The following KIF13B variants were observed in gnomAD, a reference collection of about 807,000 sequenced individuals.
The protein encoded by KIF13B is kinesin-like protein KIF13B.
KIF13B carries 127 observed loss-of-function variants against 222.0 expected under a neutral mutation model. That is an observed-to-expected ratio of 0.57 (90% CI 0.50 to 0.66). The LOEUF (loss-of-function observed/expected upper bound fraction) is 0.66, where lower values mean the gene tolerates loss of function less well. Among genes scored for constraint, KIF13B ranks in the 30% least tolerant of loss-of-function variants. KIF13B has a pLI of 0.00. For missense variants in KIF13B, 2,173 were observed against 2,379.0 expected (o/e 0.91, Z 1.80); for synonymous variants, 976 against 919.0 (o/e 1.06, Z -1.12).
At chr8:29,182,874 A>T (rs1812769703) in intron 6 of KIF13B, among the ~76,000 whole-genome samples, 1 of 152,102 alleles carries the variant, frequency 6.6e-6, no homozygotes, top group African/African-American at 2.4e-5. Flanking sequence ...ACAGACTTTA[A>T]ATGTCTGCAC....
In KIF13B at chr8:29,075,353, C is replaced by T. The variant is rs1429858382; in HGVS notation, c.4459-10G>A. On this transcript the variant is annotated splice_polypyrimidine_tract_variant and intron_variant, in intron 37 of 39. Coordinates refer to ENST00000524189, the MANE Select transcript of KIF13B (RefSeq NM_015254.4). ...TGATGCGGGGCACGGGCTGAGGAGG[C>T]AAGTGTGCAGGTCAGGGGTCGAGAG... 6.4e-6 allele frequency: 10 copies of T among 1,555,550 alleles called. No homozygotes were observed. Among genetic ancestry groups the T allele is most frequent in the Non-Finnish European group, 8.7e-6 (10 of 1,149,208 alleles).
chr8:29,119,662 G>A (rs943365127), intron 29 of KIF13B, among the ~76,000 whole-genome samples: 2 of 152,060 alleles, frequency 1.3e-5, no homozygotes, highest in African/African-American at 4.8e-5. Context: ...CCAAATACAA[G>A]CACCTCACCT....
chr8:29,244,753 G>T (rs1815945801), intron 2 of KIF13B, among the ~76,000 whole-genome samples: 2 of 151,884 alleles, frequency 1.3e-5, no homozygotes, highest in East Asian at 3.9e-4. Flanking sequence ...CTTTCCTTTT[G>T]TTCATACTAC....
chr8:29,088,716 C>T (rs1427189690), intron 37 of KIF13B, among the ~76,000 whole-genome samples: 1 of 152,138 alleles, frequency 6.6e-6, no homozygotes, highest in Non-Finnish European at 1.5e-5. Context: ...TTTGCAATTC[C>T]ACAGGCACTA....
chr8:29,206,948 T>C (rs7462210), intron 2 of KIF13B, among the ~76,000 whole-genome samples: 152,182 of 152,224 alleles, frequency 1, 76,070 homozygotes, highest in Middle Eastern at 1. Context: ...GAGTGGGCCA[T>C]GTGGCTGATG....
At chr8:29,176,259 A>G in intron 9 of KIF13B, 80 bp from the exon 10 acceptor site, 1 of 842,814 alleles carries the variant, frequency 1.2e-6, no homozygotes, top group African/African-American at 1.7e-5. Flanking sequence ...ATTGAACACT[A>G]AGATGCCCTT....
At chr8:29,086,676 A>T (rs1349750286) in intron 37 of KIF13B, among the ~76,000 whole-genome samples, 2 of 152,188 alleles carry the variant, frequency 1.3e-5, no homozygotes, top group African/African-American at 4.8e-5. Context: ...GTGCTGTTTC[A>T]CATTATAACC....
chr8:29,238,018 G>A (rs924038598), intron 2 of KIF13B, among the ~76,000 whole-genome samples: 1 of 152,158 alleles, frequency 6.6e-6, no homozygotes, highest in African/African-American at 2.4e-5. Context: ...ACCACGTACT[G>A]TTCTCCAGAG....
At chr8:29,250,008 G>A (rs926773766) in intron 1 of KIF13B, 2 of 1,287,458 alleles carry the variant, frequency 1.6e-6, no homozygotes, top group African/African-American at 3.0e-5. Context: ...CAGGCCCAGA[G>A]GTCCATGAGA....
At chr8:29,176,201 A>G in intron 9 of KIF13B, 22 bp from the exon 10 acceptor site, 1 of 1,365,704 alleles carries the variant, frequency 7.3e-7, no homozygotes, top group Non-Finnish European at 1.0e-6. Flanking sequence ...AACAAACCAA[A>G]ATAATTACAA....
intron 16 of KIF13B, among the ~76,000 whole-genome samples, chr8:29,148,060 T>C (rs1304210079): frequency 6.6e-6 from 1 of 152,182 alleles, no homozygotes; most frequent in Non-Finnish European, 1.5e-5. Context: ...GAGCCAGGCA[T>C]GGTGGTGTGC....
intron 2 of KIF13B, among the ~76,000 whole-genome samples, chr8:29,215,754 G>C (rs1331957786): frequency 6.6e-6 from 1 of 152,162 alleles, no homozygotes; most frequent in African/African-American, 2.4e-5. Context: ...TTTGAAGAAA[G>C]CAACGGGAAT....
chr8:29,076,277 T>C (rs1053666925), intron 37 of KIF13B, among the ~76,000 whole-genome samples: 2 of 152,182 alleles, frequency 1.3e-5, no homozygotes, highest in African/African-American at 4.8e-5. Context: ...TGGCCTCCCA[T>C]GCTGGGCTCT....
intron 30 of KIF13B, 32 bp downstream of exon 30, chr8:29,118,836 C>A (rs772772677): frequency 1.2e-6 from 2 of 1,611,298 alleles, no homozygotes; most frequent in East Asian, 4.5e-5. Flanking sequence ...AACCACTTTT[C>A]ATCTGACCAT....
intron 2 of KIF13B, among the ~76,000 whole-genome samples, chr8:29,216,638 T>C (rs774695188): frequency 7.2e-5 from 11 of 152,164 alleles, no homozygotes; most frequent in African/African-American, 1.2e-4. Context: ...TACAACTATG[T>C]TCTTTCTACT....
At chr8:29,139,081 C>G (rs376782643) in intron 21 of KIF13B, among the ~76,000 whole-genome samples, 4 of 152,088 alleles carry the variant, frequency 2.6e-5, no homozygotes, top group South Asian at 4.2e-4. Context: ...ATGAATGAAA[C>G]GAGGTTGACC....
intron 37 of KIF13B, among the ~76,000 whole-genome samples, chr8:29,087,097 T>G (rs1808079543): frequency 6.6e-6 from 1 of 152,238 alleles, no homozygotes; most frequent in African/African-American, 2.4e-5. Flanking sequence ...ACTTGATTGG[T>G]GACACAGAGG....
At chr8:29,148,472 C>T in intron 16 of KIF13B, 105 bp downstream of exon 16, 2 of 669,640 alleles carry the variant, frequency 3.0e-6, no homozygotes, top group East Asian at 3.2e-5. Context: ...TTCACGGGCA[C>T]AGTCTCAGCT....
At chr8:29,257,877 A>T (rs1816544761) in intron 1 of KIF13B, among the ~76,000 whole-genome samples, 1 of 152,200 alleles carries the variant, frequency 6.6e-6, no homozygotes, top group Non-Finnish European at 1.5e-5. Context: ...ATTTGGGGAA[A>T]AGAATTTAAA....
Sources: allele counts gnomAD v4.1 joint callset (sites outside exome capture counted in the v4.1 genomes callset), GRCh38; gene constraint gnomAD v4.1.1; transcripts MANE v1.5; gene names NCBI Gene and HGNC (gene_info 2026-07-23, HGNC 2026-07-21).